TRERF1: variants seen among roughly 807,000 people sequenced by gnomAD.
TRERF1 encodes the protein transcriptional-regulating factor 1.
TRERF1 carries 27 observed loss-of-function variants against 122.9 expected under a neutral mutation model. That is an observed-to-expected ratio of 0.22 (90% CI 0.16 to 0.30). The LOEUF (loss-of-function observed/expected upper bound fraction) is 0.30. TRERF1 is among the 10% of genes least tolerant of loss of function. TRERF1 has a pLI of 1.00. For missense variants in TRERF1, 1,248 were observed against 1,560.3 expected (o/e 0.80, Z 3.37); for synonymous variants, 636 against 641.7 (o/e 0.99, Z 0.13).
chr6:42,364,987 C>A (rs1273436627), intron 2 of TRERF1, among the ~76,000 whole-genome samples: 2 of 152,056 alleles, frequency 1.3e-5, no homozygotes, highest in African/African-American at 4.8e-5. Context: ...TGCAAGGAAA[C>A]CAGGTGGGAA....
intron 3 of TRERF1, among the ~76,000 whole-genome samples, chr6:42,305,070 C>T (rs1181675812): frequency 1.3e-5 from 2 of 152,176 alleles, no homozygotes; most frequent in Non-Finnish European, 2.9e-5. Flanking sequence ...CCAGACAGTG[C>T]CTCTAGTACT....
chr6:42,357,558 T>C (rs1486966382), intron 3 of TRERF1, among the ~76,000 whole-genome samples: 2 of 152,188 alleles, frequency 1.3e-5, no homozygotes, highest in South Asian at 2.1e-4. Flanking sequence ...AGGAGACCCA[T>C]GAAACGTTAG....
At chr6:42,244,470 C>T (rs1245478008) in intron 14 of TRERF1, among the ~76,000 whole-genome samples, 2 of 152,246 alleles carry the variant, frequency 1.3e-5, no homozygotes, top group Non-Finnish European at 2.9e-5. Context: ...AGGTGTGAGC[C>T]ACTGTGCCTG....
At chr6:42,299,139 T>TCTATCTATCTATCTATCTATCTCC (rs1561939031) in intron 4 of TRERF1, among the ~76,000 whole-genome samples, 1 of 114,058 alleles carries the variant, frequency 8.8e-6, no homozygotes, top group African/African-American at 4.0e-5. Flanking sequence ...TCTATCTACA[T>TCTATCTATCTATCTATCTATCTCC]ATATATATAT....
intron 2 of TRERF1, among the ~76,000 whole-genome samples, chr6:42,450,327 G>C (rs570922291): frequency 6.6e-5 from 10 of 152,300 alleles, no homozygotes; most frequent in African/African-American, 2.4e-4. Flanking sequence ...CGGTTTTCAG[G>C]AGATATTTTT....
chr6:42,406,643 G>A (rs1370869566), intron 2 of TRERF1, among the ~76,000 whole-genome samples: 1 of 152,188 alleles, frequency 6.6e-6, no homozygotes, highest in Non-Finnish European at 1.5e-5. Flanking sequence ...GCCTCTCTCC[G>A]GCATCCCCCA....
chr6:42,408,271 ATATATACATACACATGTGTG>A (rs1780551550), intron 2 of TRERF1, among the ~76,000 whole-genome samples: 1 of 140,434 alleles, frequency 7.1e-6, no homozygotes, highest in African/African-American at 2.6e-5. Flanking sequence ...GTGTGTATGT[ATATATACATACACATGTGTG>A]TGTATGTATA....
intron 3 of TRERF1, among the ~76,000 whole-genome samples, chr6:42,328,752 A>G (rs1381640217): frequency 1.3e-5 from 2 of 152,140 alleles, no homozygotes; most frequent in Non-Finnish European, 2.9e-5. Context: ...GTTAAAAAAA[A>G]TCCCTACAGC....
At chr6:42,358,780 A>G (rs1377251343) in intron 3 of TRERF1, among the ~76,000 whole-genome samples, 1 of 147,692 alleles carries the variant, frequency 6.8e-6, no homozygotes, top group Non-Finnish European at 1.5e-5. Flanking sequence ...CAATGACCTA[A>G]AGCTTTTTTT....
intron 13 of TRERF1, among the ~76,000 whole-genome samples, chr6:42,247,314 T>C (rs1048985632): frequency 9.9e-5 from 15 of 152,228 alleles, no homozygotes; most frequent in African/African-American, 2.2e-4. Flanking sequence ...ATTAGGTGTA[T>C]ATTACAAGCA....
intron 2 of TRERF1, among the ~76,000 whole-genome samples, chr6:42,363,405 A>T (rs1581797261): frequency 6.6e-6 from 1 of 151,886 alleles, no homozygotes; most frequent in African/African-American, 2.4e-5. Flanking sequence ...TAATATCCAG[A>T]CCCTCACCGT....
intron 2 of TRERF1, among the ~76,000 whole-genome samples, chr6:42,412,526 T>G (rs1307981725): frequency 1.3e-5 from 2 of 152,180 alleles, no homozygotes; most frequent in African/African-American, 4.8e-5. Context: ...GGGGAATGTT[T>G]CTGAAGAGAA....
Position 42,275,864 on chromosome 6 carries a change from G to A in TRERF1, c.-258-6016C>T, listed in dbSNP as rs1483460434. ...CCATACATATGGTTTCTGTCACAAC[G>A]CTGCCACGGTAGCGTGAAAGCGGCC... On this transcript the variant is annotated intron_variant, in intron 4 of 17. Transcript: ENST00000372922. The surrounding 1 kb of genome is among the most constrained non-coding windows in gnomAD (Gnocchi z 4.1). Among the ~76,000 whole-genome samples the A allele has an allele frequency of 6.6e-6, 1 of 152,174 alleles. No individual in the cohort carries two copies. The highest frequency in any genetic ancestry group is 1.5e-5 in the Non-Finnish European group (1 of 68,032).
At chr6:42,413,274 T>C (rs1234799377) in intron 2 of TRERF1, among the ~76,000 whole-genome samples, 1 of 152,040 alleles carries the variant, frequency 6.6e-6, no homozygotes, top group Admixed American at 6.5e-5. Context: ...GGGTACTTAG[T>C]ATCACTTAAT....
At chr6:42,334,626 G>A (rs934272184) in intron 3 of TRERF1, among the ~76,000 whole-genome samples, 2 of 152,190 alleles carry the variant, frequency 1.3e-5, no homozygotes, top group Non-Finnish European at 2.9e-5. Context: ...GAACAGGGTG[G>A]ACCTGTGAGA....
intron 2 of TRERF1, among the ~76,000 whole-genome samples, chr6:42,398,503 C>A (rs989364958): frequency 6.6e-6 from 1 of 152,126 alleles, no homozygotes; most frequent in Non-Finnish European, 1.5e-5. Context: ...CAAAAATTAA[C>A]CCCCCGCTTC....
intron 2 of TRERF1, among the ~76,000 whole-genome samples, chr6:42,383,571 G>A (rs1258025903): frequency 7.2e-5 from 11 of 152,132 alleles, no homozygotes; most frequent in Admixed American, 7.2e-4. Flanking sequence ...TTGTAGGGGT[G>A]AGGACCAGAA....
intron 15 of TRERF1, among the ~76,000 whole-genome samples, chr6:42,242,749 G>C (rs1053805706): frequency 1.3e-5 from 2 of 152,192 alleles, no homozygotes; most frequent in African/African-American, 4.8e-5. Context: ...TACATGCAGC[G>C]AATTAGTTCC....
At chr6:42,235,373 C>A (rs992854615) in intron 16 of TRERF1, among the ~76,000 whole-genome samples, 3 of 152,184 alleles carry the variant, frequency 2.0e-5, no homozygotes, top group African/African-American at 7.2e-5. Flanking sequence ...TTGGGAAAAG[C>A]TCACCAATTC....
Sources: allele counts gnomAD v4.1 joint callset (sites outside exome capture counted in the v4.1 genomes callset), GRCh38; gene constraint gnomAD v4.1.1; non-coding constraint Gnocchi (gnomAD v3.1); transcripts MANE v1.5; gene names NCBI Gene and HGNC (gene_info 2026-07-23, HGNC 2026-07-21).